The following PLD5 variants were observed in gnomAD, a reference collection of about 807,000 sequenced individuals.
PLD5 encodes inactive phospholipase D5.
Under a neutral mutation model 61.1 loss-of-function variants are expected in PLD5, and 36 were observed. The ratio of observed to expected loss-of-function variants is 0.59; its 90% CI spans 0.45 to 0.78. The LOEUF is 0.78. Among genes scored for constraint, PLD5 ranks in the 30% least tolerant of loss-of-function variants. The probability of loss-of-function intolerance (pLI) is 0.00; values close to 1 mark genes in which losing one functional copy is unlikely to be tolerated. For missense variants in PLD5, 515 were observed against 644.4 expected (o/e 0.80, Z 2.17); for synonymous variants, 243 against 242.8 (o/e 1.00, Z -0.01).
chr1:242,283,202 C>T (rs2149130071), intron 3 of PLD5, among the ~76,000 whole-genome samples: 1 of 152,334 alleles, frequency 6.6e-6, no homozygotes, highest in East Asian at 1.9e-4. Flanking sequence ...AAAATTGCTA[C>T]TCTTCCAGAG....
At chr1:242,175,710 A>T (rs972856557) in intron 5 of PLD5, among the ~76,000 whole-genome samples, 3 of 152,244 alleles carry the variant, frequency 2.0e-5, no homozygotes, top group African/African-American at 7.2e-5. Flanking sequence ...CCACTGTCTC[A>T]GTGCAAAATC....
At chr1:242,480,604 T>C (rs1293989432) in intron 1 of PLD5, among the ~76,000 whole-genome samples, 1 of 152,170 alleles carries the variant, frequency 6.6e-6, no homozygotes, top group Non-Finnish European at 1.5e-5. Flanking sequence ...TATATATAGC[T>C]GACAAGAGTT....
chr1:242,161,088 T>C (rs984962352), intron 5 of PLD5, among the ~76,000 whole-genome samples: 1 of 152,102 alleles, frequency 6.6e-6, no homozygotes, highest in Non-Finnish European at 1.5e-5. Context: ...TTTTAATAGA[T>C]AATTTTGTGC....
rs138103554 is a variant in PLD5 at position 242,085,450 on chromosome 1, G to A, written c.*4404C>T. 2.0e-5 allele frequency: 3 copies of A among 152,282 alleles called. No individual in the cohort carries two copies. The highest frequency in any genetic ancestry group is 2.9e-5 in the Non-Finnish European group (2 of 68,032). The allele number at this position is 152,282 out of a possible 1,614,324, so 9.4% of individuals were successfully genotyped here. ...CTCTCAAATGAGAAAGACAGGCTGCGAACTGGGGTTGATGTCAGGGCTATT... is the reference window on the plus strand; with the variant it reads ...CTCTCAAATGAGAAAGACAGGCTGCAAACTGGGGTTGATGTCAGGGCTATT... On this transcript the variant is annotated 3_prime_UTR_variant, in exon 10 of 10. Coordinates refer to ENST00000536534, the MANE Select transcript of PLD5 (RefSeq NM_001372062.1).
chr1:242,254,896 T>C (rs1574618570), intron 4 of PLD5, among the ~76,000 whole-genome samples: 1 of 152,316 alleles, frequency 6.6e-6, no homozygotes, highest in South Asian at 2.1e-4. Flanking sequence ...AATATTTTGG[T>C]GTGCTATGAA....
At chr1:242,096,676 CTT>C (rs1660257498) in intron 9 of PLD5, among the ~76,000 whole-genome samples, 1 of 132,444 alleles carries the variant, frequency 7.6e-6, no homozygotes, top group African/African-American at 2.8e-5. Context: ...TGTTTTAAGT[CTT>C]TTTTGTTTTT....
intron 5 of PLD5, among the ~76,000 whole-genome samples, chr1:242,188,273 A>G (rs1264716530): frequency 6.6e-6 from 1 of 152,232 alleles, no homozygotes; most frequent in Non-Finnish European, 1.5e-5. Context: ...ACTAACATCA[A>G]TAGTAAATTA....
chr1:242,414,912 A>G (rs1183602004), intron 1 of PLD5, among the ~76,000 whole-genome samples: 1 of 152,242 alleles, frequency 6.6e-6, no homozygotes, highest in Non-Finnish European at 1.5e-5. Context: ...AGAAAAGGAA[A>G]AAGACCAATC....
intron 5 of PLD5, among the ~76,000 whole-genome samples, chr1:242,206,940 A>G (rs1291988484): frequency 1.3e-5 from 2 of 152,194 alleles, no homozygotes; most frequent in African/African-American, 4.8e-5. Flanking sequence ...TGGGGGCTGT[A>G]AGTTCAAAAT....
chr1:242,120,338 A>T (rs1030402308), intron 6 of PLD5, among the ~76,000 whole-genome samples: 4 of 152,094 alleles, frequency 2.6e-5, no homozygotes, highest in African/African-American at 4.8e-5. Context: ...TTTTTAGTAC[A>T]GACGGGGTTT....
intron 2 of PLD5, among the ~76,000 whole-genome samples, chr1:242,306,754 C>T (rs1298992886): frequency 0.072 from 166 of 2,298 alleles, 1 homozygote; most frequent in Admixed American, 0.29. Context: ...CACACACACA[C>T]ACACACACAC....
intron 5 of PLD5, among the ~76,000 whole-genome samples, chr1:242,150,993 C>A (rs915714517): frequency 6.6e-6 from 1 of 151,368 alleles, no homozygotes; most frequent in East Asian, 1.9e-4. Flanking sequence ...GAGTTGTTGC[C>A]CTAGACTTTA....
intron 2 of PLD5, among the ~76,000 whole-genome samples, chr1:242,312,482 T>C (rs1306119243): frequency 1.3e-5 from 2 of 152,104 alleles, no homozygotes; most frequent in African/African-American, 4.8e-5. Context: ...CTTTGCTTCT[T>C]CTTGGGGTCT....
At chr1:242,309,848 G>T (rs1422636683) in intron 2 of PLD5, among the ~76,000 whole-genome samples, 2 of 69,882 alleles carry the variant, frequency 2.9e-5, no homozygotes, top group Non-Finnish European at 7.0e-5. Flanking sequence ...TGCCTGACGG[G>T]AATAAATAAT....
intron 2 of PLD5, among the ~76,000 whole-genome samples, chr1:242,337,690 T>A (rs1014999979): frequency 6.6e-6 from 1 of 152,134 alleles, no homozygotes; most frequent in Non-Finnish European, 1.5e-5. Flanking sequence ...CACTTTGCAG[T>A]CTTCTACACA....
At chr1:242,322,342 T>G (rs1259734300) in intron 2 of PLD5, among the ~76,000 whole-genome samples, 2 of 152,212 alleles carry the variant, frequency 1.3e-5, no homozygotes, top group South Asian at 4.1e-4. Flanking sequence ...TCCCCAGATA[T>G]CTACCTTTTT....
chr1:242,435,722 G>A (rs1370966789), intron 1 of PLD5, among the ~76,000 whole-genome samples: 1 of 152,212 alleles, frequency 6.6e-6, no homozygotes, highest in Non-Finnish European at 1.5e-5. Flanking sequence ...AGCAATGGGT[G>A]AGCATCCACT....
chr1:242,392,207 G>A (rs1662973190), intron 1 of PLD5, among the ~76,000 whole-genome samples: 1 of 152,164 alleles, frequency 6.6e-6, no homozygotes, highest in South Asian at 2.1e-4. Context: ...GCTAAGAACT[G>A]GGTACATATG....
At chr1:242,289,598 C>G (rs576480116) in intron 2 of PLD5, among the ~76,000 whole-genome samples, 1 of 152,228 alleles carries the variant, frequency 6.6e-6, no homozygotes, top group East Asian at 1.9e-4. Flanking sequence ...CATGATCCCC[C>G]CCTGCCTTGG....
Sources: allele counts gnomAD v4.1 joint callset (sites outside exome capture counted in the v4.1 genomes callset), GRCh38; gene constraint gnomAD v4.1.1; transcripts MANE v1.5; gene names NCBI Gene and HGNC (gene_info 2026-07-23, HGNC 2026-07-21).